Variants in ACACA observed in about 807,000 individuals in gnomAD.
ACACA encodes the protein acetyl-CoA carboxylase alpha.
In ACACA, 103 loss-of-function variants were observed where a neutral mutation model predicts 296.1. The ratio of observed to expected loss-of-function variants is 0.35; its 90% CI spans 0.30 to 0.41. The LOEUF (loss-of-function observed/expected upper bound fraction) is 0.41. ACACA is among the 10% of genes least tolerant of loss of function. The pLI is 1.00. For missense variants in ACACA, 1,554 were observed against 2,989.7 expected (o/e 0.52, Z 11.20); for synonymous variants, 953 against 1,038.6 (o/e 0.92, Z 1.58).
chr17:37,089,770 C>T (rs549205350), intron 54 of ACACA, among the ~76,000 whole-genome samples: 180 of 152,298 alleles, frequency 1.2e-3, no homozygotes, highest in African/African-American at 4.2e-3. Context: ...GATCATTTAG[C>T]TGAGTATTTC....
At chr17:37,205,699 G>C in intron 33 of ACACA, 66 bp downstream of exon 33, 1 of 1,222,384 alleles carries the variant, frequency 8.2e-7, no homozygotes, top group Non-Finnish European at 1.2e-6. Flanking sequence ...ACTGATAAAA[G>C]GATAGCTATG....
At chr17:37,203,604 G>A (rs2078370166) in intron 33 of ACACA, among the ~76,000 whole-genome samples, 1 of 151,866 alleles carries the variant, frequency 6.6e-6, no homozygotes, top group African/African-American at 2.4e-5. Flanking sequence ...TTAGCCGGGT[G>A]TGGTGGCGCA....
intron 51 of ACACA, among the ~76,000 whole-genome samples, chr17:37,112,084 A>C (rs1280253617): frequency 6.7e-6 from 1 of 149,540 alleles, no homozygotes; most frequent in African/African-American, 2.5e-5. Flanking sequence ...CTATCTATCT[A>C]CCTCACCTAT....
intron 39 of ACACA, among the ~76,000 whole-genome samples, chr17:37,183,708 C>T (rs971307965): frequency 6.6e-6 from 1 of 151,316 alleles, no homozygotes; most frequent in Middle Eastern, 3.2e-3. Context: ...GGTGTGAACC[C>T]GGGAGGTAGA....
chr17:37,365,384 G>T, intron 1 of ACACA: 1 of 925,404 alleles, frequency 1.1e-6, no homozygotes, highest in Non-Finnish European at 1.3e-6. Context: ...TCTTCAAGTA[G>T]GACTAGGTAT....
rs902291361 is a variant in ACACA, at chr17:37,241,865, A to G, written c.3032+88T>C. 3.9e-6 allele frequency: 4 copies of G among 1,038,450 alleles called. No individual in the cohort carries two copies. In the African/African-American group the frequency reaches 6.3e-5, roughly 16 times the overall value. 64.3% of individuals were successfully genotyped at this position (1,038,450 alleles called of 1,614,324 possible). On this transcript the variant is annotated intron_variant, in intron 23 of 55. Coordinates refer to ENST00000616317, the MANE Select transcript of ACACA (RefSeq NM_198834.3). ...ATGCTTTCCAATTTCTTGAAGTCAA[A>G]TCTGAGGTAAATTTTTTTGTGACCA... is the stretch of plus-strand genomic sequence containing the variant.
At chr17:37,161,471 A>G (rs1598018996) in intron 42 of ACACA, 2 of 385,508 alleles carry the variant, frequency 5.2e-6, no homozygotes, top group South Asian at 6.8e-5. Context: ...TGGAAGCCAC[A>G]ATTAAATAAA....
At chr17:37,385,963 A>G (rs199711693) in intron 1 of ACACA, 2 of 1,311,958 alleles carry the variant, frequency 1.5e-6, no homozygotes, top group Non-Finnish European at 2.1e-6. Flanking sequence ...CAAAGGCAGG[A>G]TAAAGTTTTC....
At chr17:37,230,544 A>C (rs1196462908) in intron 25 of ACACA, among the ~76,000 whole-genome samples, 1 of 152,158 alleles carries the variant, frequency 6.6e-6, no homozygotes, top group Non-Finnish European at 1.5e-5. Flanking sequence ...TAATACTTAG[A>C]AAAAAATTGG....
At chr17:37,183,391 C>T (rs766738924) in intron 39 of ACACA, among the ~76,000 whole-genome samples, 2 of 152,128 alleles carry the variant, frequency 1.3e-5, no homozygotes, top group African/African-American at 2.4e-5. Context: ...TACACTTTTA[C>T]GTATTTACCC....
intron 1 of ACACA, chr17:37,388,636 T>C: frequency 6.2e-7 from 1 of 1,600,126 alleles, no homozygotes; most frequent in African/African-American, 1.3e-5. Context: ...TCAAATTTTC[T>C]TTTCTCCCTC....
Position 37,328,124 on chromosome 17 carries a change from T to C in ACACA, c.338+2049A>G, listed in dbSNP as rs1171035007. Among the ~76,000 whole-genome samples the C allele has an allele frequency of 7.2e-5, 11 of 152,254 alleles. 1 individual carries two copies. The highest frequency in any genetic ancestry group is 6.5e-4 in the Admixed American group (10 of 15,288). On this transcript the variant is annotated intron_variant, in intron 3 of 55. Coordinates refer to ENST00000616317, the MANE Select transcript of ACACA (RefSeq NM_198834.3). ...AAACCAACTTTGTCTGAACTAGTTA[T>C]ATAATTAAGACACCTGTATGGACGG...
intron 1 of ACACA, among the ~76,000 whole-genome samples, chr17:37,352,279 C>A (rs1169007387): frequency 6.6e-6 from 1 of 152,066 alleles, no homozygotes; most frequent in Non-Finnish European, 1.5e-5. Flanking sequence ...GAGACATAAA[C>A]TAAGTCGTTA....
intron 6 of ACACA, 79 bp downstream of exon 6, chr17:37,277,817 G>A: frequency 9.0e-7 from 1 of 1,117,120 alleles, no homozygotes. Context: ...TTACAAAAAT[G>A]TTCTTCTCTA....
intron 1 of ACACA, chr17:37,365,763 G>A: frequency 1.0e-6 from 1 of 984,248 alleles, no homozygotes; most frequent in Non-Finnish European, 1.2e-6. Flanking sequence ...AATGATGAAA[G>A]GTAGAATTGC....
chr17:37,176,342 T>C (rs1484016755), intron 41 of ACACA, among the ~76,000 whole-genome samples: 2 of 152,234 alleles, frequency 1.3e-5, no homozygotes, highest in Admixed American at 1.3e-4. Flanking sequence ...CACATTATGA[T>C]GATTTAATGT....
At chr17:37,112,626 G>A (rs2074038220) in intron 51 of ACACA, among the ~76,000 whole-genome samples, 1 of 151,948 alleles carries the variant, frequency 6.6e-6, no homozygotes, top group Admixed American at 6.6e-5. Context: ...CAGCCTAGAG[G>A]TTTGACAGTG....
At chr17:37,240,653 T>C in intron 23 of ACACA, 89 bp from the exon 24 acceptor site, 1 of 968,184 alleles carries the variant, frequency 1.0e-6, no homozygotes, top group Non-Finnish European at 1.6e-6. Flanking sequence ...CTCCACGACA[T>C]TCCACTGAAC....
At chr17:37,290,042 TC>T (rs2082971369) in intron 3 of ACACA, among the ~76,000 whole-genome samples, 1 of 152,154 alleles carries the variant, frequency 6.6e-6, no homozygotes, top group South Asian at 2.1e-4. Context: ...TAGAAGCTGT[TC>T]AAACATCTTT....
Sources: allele counts gnomAD v4.1 joint callset (sites outside exome capture counted in the v4.1 genomes callset), GRCh38; gene constraint gnomAD v4.1.1; transcripts MANE v1.5; gene names NCBI Gene and HGNC (gene_info 2026-07-23, HGNC 2026-07-21).